IMMP2L: variants seen among roughly 807,000 people sequenced by gnomAD.
IMMP2L encodes mitochondrial inner membrane protease subunit 2.
IMMP2L carries 18 observed loss-of-function variants against 19.3 expected under a neutral mutation model. That is an observed-to-expected ratio of 0.93 (90% CI 0.64 to 1.38). IMMP2L has a LOEUF of 1.38. Among genes scored for constraint, IMMP2L ranks in the 40% most tolerant of loss-of-function variants. The probability of loss-of-function intolerance (pLI) is 0.00; values close to 1 mark genes in which losing one functional copy is unlikely to be tolerated. For missense variants in IMMP2L, 233 were observed against 218.2 expected (o/e 1.07, Z -0.43); for synonymous variants, 76 against 73.0 (o/e 1.04, Z -0.21).
chr7:111,122,582 T>C (rs1304737405), intron 3 of IMMP2L: 10 of 574,150 alleles, frequency 1.7e-5, no homozygotes, highest in Non-Finnish European at 2.8e-5. Context: ...TTCTCCAATA[T>C]GCATGACATT....
chr7:110,705,762 C>G (rs1794631415), intron 5 of IMMP2L, among the ~76,000 whole-genome samples: 1 of 151,752 alleles, frequency 6.6e-6, no homozygotes, highest in South Asian at 2.1e-4. Context: ...TCTATTAGTC[C>G]CCAGTGTCTA....
chr7:110,965,467 A>C (rs765223517), intron 3 of IMMP2L, among the ~76,000 whole-genome samples: 3 of 151,982 alleles, frequency 2.0e-5, no homozygotes, highest in Non-Finnish European at 4.4e-5. Flanking sequence ...TTTTTCACTA[A>C]GTTAACTTTT....
intron 4 of IMMP2L, among the ~76,000 whole-genome samples, chr7:110,939,064 T>C (rs1195878982): frequency 6.6e-6 from 1 of 151,990 alleles, no homozygotes; most frequent in Non-Finnish European, 1.5e-5. Context: ...AAAATAGAGC[T>C]CCCAAAGCTG....
intron 3 of IMMP2L, among the ~76,000 whole-genome samples, chr7:111,350,404 ATAT>A (rs1165830072): frequency 6.6e-6 from 1 of 151,714 alleles, no homozygotes; most frequent in Non-Finnish European, 1.5e-5. Context: ...ATATTAGTGT[ATAT>A]TATTATAAAT....
chr7:111,072,158 C>T (rs1017031981), intron 3 of IMMP2L, among the ~76,000 whole-genome samples: 12 of 152,126 alleles, frequency 7.9e-5, no homozygotes, highest in Non-Finnish European at 1.6e-4. Context: ...CTCTTCCTTA[C>T]AACGGAATGG....
intron 3 of IMMP2L, among the ~76,000 whole-genome samples, chr7:110,971,719 T>TA (rs1820160849): frequency 6.6e-6 from 1 of 152,130 alleles, no homozygotes; most frequent in Admixed American, 6.6e-5. Context: ...AACAGCAAAA[T>TA]AAAGTTATAT....
chr7:111,039,973 CT>C (rs1791732395), intron 3 of IMMP2L, among the ~76,000 whole-genome samples: 1 of 152,150 alleles, frequency 6.6e-6, no homozygotes, highest in Non-Finnish European at 1.5e-5. Context: ...CAAGGCCAGC[CT>C]GGCCAACACA....
intron 3 of IMMP2L, among the ~76,000 whole-genome samples, chr7:111,129,880 A>T (rs1372061151): frequency 6.6e-6 from 1 of 152,202 alleles, no homozygotes; most frequent in Non-Finnish European, 1.5e-5. Flanking sequence ...ATCCAATTAT[A>T]AGAAAAATTA....
chr7:111,548,707 T>C (rs977462506), intron 1 of IMMP2L, among the ~76,000 whole-genome samples: 3 of 152,162 alleles, frequency 2.0e-5, no homozygotes, highest in African/African-American at 7.2e-5. Context: ...TTTTAAACTA[T>C]AGGGACATTT....
intron 5 of IMMP2L, among the ~76,000 whole-genome samples, chr7:110,735,786 G>T (rs1477996367): frequency 7.9e-6 from 1 of 126,142 alleles, no homozygotes; most frequent in Non-Finnish European, 1.6e-5. Flanking sequence ...GATGAAGGTT[G>T]CAATGAGCCA....
At chr7:110,713,074 G>A (rs1022871568) in intron 5 of IMMP2L, among the ~76,000 whole-genome samples, 11 of 152,174 alleles carry the variant, frequency 7.2e-5, no homozygotes, top group African/African-American at 2.7e-4. Flanking sequence ...TCCATCTTGA[G>A]TTGATTTTGT....
At chr7:110,801,227 C>T (rs1801216136) in intron 5 of IMMP2L, among the ~76,000 whole-genome samples, 2 of 152,166 alleles carry the variant, frequency 1.3e-5, no homozygotes, top group South Asian at 4.1e-4. Context: ...CCTGCACCTG[C>T]TATCTGTTAT....
At chr7:110,892,730 T>A (rs1480117074) in intron 4 of IMMP2L, among the ~76,000 whole-genome samples, 2 of 152,156 alleles carry the variant, frequency 1.3e-5, no homozygotes, top group African/African-American at 4.8e-5. Flanking sequence ...CTTAAAAAAA[T>A]AATAATAAAA....
chr7:111,217,126 T>TCTCA (rs1472700586), intron 3 of IMMP2L, among the ~76,000 whole-genome samples: 33 of 124,066 alleles, frequency 2.7e-4, no homozygotes, highest in Admixed American at 8.3e-4. Flanking sequence ...TCTCTCTCTC[T>TCTCA]CACACACACA....
At chr7:111,481,387 C>A (rs1323095162) in intron 3 of IMMP2L, among the ~76,000 whole-genome samples, 1 of 152,052 alleles carries the variant, frequency 6.6e-6, no homozygotes, top group Non-Finnish European at 1.5e-5. Context: ...GCACTTCAAG[C>A]CTTTGCTCTG....
chr7:111,281,216 A>AAGAAAGAAAGAAAG (rs1293249599), intron 3 of IMMP2L, among the ~76,000 whole-genome samples: 24 of 38,770 alleles, frequency 6.2e-4, no homozygotes, highest in African/African-American at 2.0e-3. Flanking sequence ...GAAAGAAAGA[A>AAGAAAGAAAGAAAG]AAAGAAAGAA....
At chr7:111,249,474 C>T (rs1176462696) in intron 3 of IMMP2L, among the ~76,000 whole-genome samples, 2 of 151,300 alleles carry the variant, frequency 1.3e-5, no homozygotes, top group African/African-American at 2.4e-5. Flanking sequence ...CAGAAATCAC[C>T]GTCTTCTGCG....
In IMMP2L at chr7:110,758,067, C is replaced by A. The variant is rs73192833; in HGVS notation, c.409-94346G>T. Among the ~76,000 whole-genome samples, 5 of 151,930 alleles carry A rather than the reference C, an allele frequency of 3.3e-5. No homozygotes were observed. Among genetic ancestry groups the A allele is most frequent in the Non-Finnish European group, 7.4e-5 (5 of 67,970 alleles). ...AAGAAAAACTAGAAGAATATGTTGC[C>A]CTAGGAGTTAGGGAAGAAAATGTTT... On this transcript the variant is annotated intron_variant, in intron 5 of 5. Transcript: ENST00000405709. The surrounding 1 kb of genome is among the most constrained non-coding windows in gnomAD (Gnocchi z 4.6).
intron 3 of IMMP2L, among the ~76,000 whole-genome samples, chr7:111,403,316 CATGATTGTAA>C (rs1220792453): frequency 1.3e-5 from 2 of 151,874 alleles, no homozygotes; most frequent in East Asian, 3.9e-4. Flanking sequence ...TGCCTTCCAC[CATGATTGTAA>C]GTTTCCTGAG....
Sources: allele counts gnomAD v4.1 joint callset (sites outside exome capture counted in the v4.1 genomes callset), GRCh38; gene constraint gnomAD v4.1.1; non-coding constraint Gnocchi (gnomAD v3.1); transcripts MANE v1.5; gene names NCBI Gene and HGNC (gene_info 2026-07-23, HGNC 2026-07-21).